The following LAMA2 variants were observed in gnomAD, a reference collection of about 807,000 sequenced individuals.
LAMA2 encodes laminin subunit alpha-2.
LAMA2 carries 269 observed loss-of-function variants against 364.8 expected under a neutral mutation model. That is an observed-to-expected ratio of 0.74 (90% CI 0.67 to 0.82). The LOEUF is 0.82. Ranked by LOEUF, LAMA2 falls within the 40% of genes least tolerant of loss-of-function variation. The pLI is 0.00. For missense variants in LAMA2, 3,807 were observed against 3,873.2 expected, an observed-to-expected ratio of 0.98 and a Z score of 0.45; for synonymous variants, 1,379 against 1,370.6, an observed-to-expected ratio of 1.01 and a Z score of -0.14.
intron 55 of LAMA2, among the ~76,000 whole-genome samples, chr6:129,485,758 TG>T (rs1784556021): frequency 6.6e-6 from 1 of 152,200 alleles, no homozygotes; most frequent in African/African-American, 2.4e-5. Context: ...TGATGTTTGA[TG>T]GAATCTGTCT....
At chr6:129,251,895 G>A (rs934862605) in intron 13 of LAMA2, among the ~76,000 whole-genome samples, 189 bp from the exon 14 acceptor site, 1 of 151,940 alleles carries the variant, frequency 6.6e-6, no homozygotes, top group African/African-American at 2.4e-5. Flanking sequence ...AGATCGCGCC[G>A]TTGCACTCCA....
intron 33 of LAMA2, among the ~76,000 whole-genome samples, chr6:129,366,698 T>C (rs564425851): frequency 1.4e-4 from 21 of 152,290 alleles, no homozygotes; most frequent in Admixed American, 2.0e-4. Flanking sequence ...ACAAAACCAA[T>C]AAAATTCAAA....
At chr6:129,240,695 A>G (rs776197295) in intron 12 of LAMA2, among the ~76,000 whole-genome samples, 2 of 152,228 alleles carry the variant, frequency 1.3e-5, no homozygotes, top group South Asian at 2.1e-4. Context: ...CCTTTAATCT[A>G]TACACTATGT....
In LAMA2 at chr6:129,267,209, G is replaced by C. The variant is rs779380206; in HGVS notation, c.2312G>C (p.Gly771Ala). The C allele has an allele frequency of 6.2e-7, 1 of 1,605,122 alleles. No homozygotes were observed. Among genetic ancestry groups the C allele is most frequent in the South Asian group, 1.1e-5 (1 of 90,906 alleles). ...GHAESCDDVT[G>A]ECLNCKDHTG... ...GCGGAGTCCTGTGATGACGTCACTG[G>C]AGAATGCCTGGTAAGTGCTCTCTTC... The change falls in exon 16 of 65, where the codon GGA becomes GCA. Residue 771 changes from glycine to alanine, a missense_variant. Physicochemically the swap from Gly to Ala is moderately conservative, Grantham distance 60. Transcript: ENST00000421865.
intron 1 of LAMA2, among the ~76,000 whole-genome samples, chr6:128,922,728 C>A (rs1778818968): frequency 2.0e-5 from 3 of 152,086 alleles, no homozygotes; most frequent in African/African-American, 7.2e-5. Flanking sequence ...TCCCATTTGT[C>A]CATTTTGGCT....
intron 38 of LAMA2, among the ~76,000 whole-genome samples, chr6:129,401,703 A>G (rs561806737): frequency 3.7e-4 from 56 of 152,338 alleles, no homozygotes; most frequent in African/African-American, 1.3e-3. Context: ...GTAATGTCTA[A>G]TGCATTACAT....
intron 1 of LAMA2, among the ~76,000 whole-genome samples, chr6:128,910,294 C>G (rs1777817099): frequency 6.6e-6 from 1 of 152,352 alleles, no homozygotes; most frequent in African/African-American, 2.4e-5. Flanking sequence ...TGGATTTGGT[C>G]TTTTCACATA....
intron 35 of LAMA2, among the ~76,000 whole-genome samples, chr6:129,389,086 G>T (rs1014550225): frequency 2.6e-5 from 4 of 152,148 alleles, no homozygotes; most frequent in African/African-American, 9.7e-5. Flanking sequence ...CAATAGTGGT[G>T]AAATATTGGG....
chr6:129,192,816 A>G lies in LAMA2; in HGVS notation c.1745A>G (p.Tyr582Cys), dbSNP rs759283737. The G allele has an allele frequency of 6.2e-6, 10 of 1,614,168 alleles. No homozygotes were observed. The highest frequency in any genetic ancestry group is 4.4e-5 in the South Asian group (4 of 91,086). The change falls in exon 12 of 65, where the codon TAC becomes TGC. Residue 582 changes from tyrosine (Y) to cysteine (C), a missense_variant. Tyr to Cys is a radical substitution (Grantham distance 194, BLOSUM62 -2). Coordinates refer to ENST00000421865, the MANE Select transcript of LAMA2 (RefSeq NM_000426.4). ...GCCCGGCAAGCCCTGCCGCACAGCT[A>G]CTACTGGAGCGCGCCGGCTCCCTAT... ...AEARQALPHS[Y>C]YWSAPAPYLG...
intron 55 of LAMA2, among the ~76,000 whole-genome samples, chr6:129,485,139 TATAATA>T (rs1231792202): frequency 3.3e-5 from 5 of 152,174 alleles, no homozygotes; most frequent in Admixed American, 6.5e-5. Context: ...ATAAGCTAGT[TATAATA>T]AGAATACCAG....
intron 30 of LAMA2, among the ~76,000 whole-genome samples, chr6:129,345,136 A>AC (rs1426970832): frequency 6.6e-6 from 1 of 151,894 alleles, no homozygotes; most frequent in African/African-American, 2.4e-5. Flanking sequence ...GGGCCAATGG[A>AC]CCCCTCATTT....
At chr6:129,150,144 C>T (rs925386633) in intron 7 of LAMA2, among the ~76,000 whole-genome samples, 9 of 152,116 alleles carry the variant, frequency 5.9e-5, no homozygotes, top group Admixed American at 2.6e-4. Flanking sequence ...CCCATTATTA[C>T]AAAAGCATAT....
At chr6:128,906,574 A>G (rs1161570801) in intron 1 of LAMA2, among the ~76,000 whole-genome samples, 15 of 150,350 alleles carry the variant, frequency 1.0e-4, no homozygotes, top group South Asian at 4.2e-4. Flanking sequence ...ATTTTCTCCC[A>G]TTTTGTAGGT....
chr6:129,370,086 C>T lies in LAMA2; in HGVS notation c.4959+96C>T, dbSNP rs1777988572. The T allele has an allele frequency of 1.4e-5, 13 of 948,278 alleles. No individual in the cohort carries two copies. In the South Asian group the frequency reaches 1.5e-4, roughly 11 times the overall value. 58.7% of individuals were successfully genotyped at this position (948,278 alleles called of 1,614,324 possible). A position where few individuals can be genotyped will look rare whatever the true frequency, so the allele number is the denominator to read the frequency against. Reference sequence around the variant, plus strand: ...TTCTGAAATGCAAATCACCTTCTTCCTAATTCCCAATTTGGTATATAAAAT... The same window carrying T: ...TTCTGAAATGCAAATCACCTTCTTCTTAATTCCCAATTTGGTATATAAAAT... On this transcript the variant is annotated intron_variant, in intron 34 of 64. Transcript: ENST00000421865.
intron 58 of LAMA2, among the ~76,000 whole-genome samples, chr6:129,501,244 G>A (rs915396924): frequency 2.6e-5 from 4 of 152,250 alleles, no homozygotes; most frequent in Non-Finnish European, 4.4e-5. Context: ...TGCAGGCAGC[G>A]TAATAAGAAA....
intron 1 of LAMA2, among the ~76,000 whole-genome samples, chr6:128,977,054 A>G (rs1443146437): frequency 6.6e-6 from 1 of 152,296 alleles, no homozygotes; most frequent in Non-Finnish European, 1.5e-5. Flanking sequence ...TCTGAGATTA[A>G]TGCCTTATCT....
intron 34 of LAMA2, among the ~76,000 whole-genome samples, chr6:129,374,986 G>A (rs1282881853): frequency 6.7e-6 from 1 of 149,602 alleles, no homozygotes; most frequent in African/African-American, 2.5e-5. Context: ...GGTTGATCCT[G>A]CATGACTGCT....
At chr6:128,899,755 T>G (rs1459278332) in intron 1 of LAMA2, among the ~76,000 whole-genome samples, 1 of 152,152 alleles carries the variant, frequency 6.6e-6, no homozygotes, top group Non-Finnish European at 1.5e-5. Flanking sequence ...GAGGCTACCT[T>G]AAATTATCTT....
chr6:129,060,045 T>C (rs1788789367), intron 3 of LAMA2, 149 bp downstream of exon 3: 2 of 663,588 alleles, frequency 3.0e-6, no homozygotes, highest in South Asian at 1.7e-5. Context: ...GTCCTATTCA[T>C]ATAGCGTATT....
Sources: gnomAD v4.1 joint callset for allele counts (sites outside exome capture counted in the v4.1 genomes callset) on GRCh38, gnomAD v4.1.1 for gene constraint, MANE v1.5 for transcripts, NCBI Gene and HGNC (gene_info 2026-07-23, HGNC 2026-07-21) for gene names.